RFX4: variants seen among roughly 807,000 people sequenced by gnomAD.
RFX4 encodes the protein transcription factor RFX4.
Under a neutral mutation model 95.0 loss-of-function variants are expected in RFX4, and 10 were observed. The ratio of observed to expected loss-of-function variants is 0.11; its 90% confidence interval spans 0.06 to 0.18. RFX4 has a LOEUF of 0.18. Ranked by LOEUF, RFX4 falls within the 10% of genes least tolerant of loss-of-function variation. RFX4 has a pLI of 1.00. For synonymous variants in RFX4, 321 were observed against 340.7 expected, an observed-to-expected ratio of 0.94 and a Z score of 0.64; for missense variants, 640 against 922.0, an observed-to-expected ratio of 0.69 and a Z score of 3.96.
chr12:106,655,457 A>G (rs756647340), intron 4 of RFX4, among the ~76,000 whole-genome samples: 57 of 152,178 alleles, frequency 3.7e-4, no homozygotes, highest in Non-Finnish European at 7.2e-4. Flanking sequence ...TGTGTTAAGT[A>G]GTGGCAGTGG....
At chr12:106,621,433 T>C (rs1306869427) in intron 2 of RFX4, among the ~76,000 whole-genome samples, 1 of 152,166 alleles carries the variant, frequency 6.6e-6, no homozygotes, top group African/African-American at 2.4e-5. Flanking sequence ...TAGGGTGTGG[T>C]TTTTATTCCT....
chr12:106,647,484 G>T (rs1410453163), intron 3 of RFX4, among the ~76,000 whole-genome samples: 1 of 152,024 alleles, frequency 6.6e-6, no homozygotes, highest in Non-Finnish European at 1.5e-5. Context: ...TATTAACCAT[G>T]CTTTTCCTTT....
intron 3 of RFX4, 116 bp downstream of exon 3, chr12:106,639,508 A>G: frequency 1.1e-6 from 1 of 921,468 alleles, no homozygotes. Flanking sequence ...ACATTCCACA[A>G]CATGAAATCT....
chr12:106,587,973 C>A (rs531682239), intron 1 of RFX4, among the ~76,000 whole-genome samples: 1 of 152,228 alleles, frequency 6.6e-6, no homozygotes, highest in South Asian at 2.1e-4. Context: ...GGTTAATCTT[C>A]TAGGCTTTCC....
chr12:106,761,590 G>C lies in RFX4; in HGVS notation c.*121G>C. ...ATTGTAACTCATGGGCTATTCCTAA[G>C]TGCCCATTTTCCTAATGAACATGAG... On this transcript the variant is annotated 3_prime_UTR_variant, in exon 18 of 18. Coordinates refer to ENST00000392842, the MANE Select transcript of RFX4 (RefSeq NM_213594.3). 1 of 682,784 alleles carries C rather than the reference G, an allele frequency of 1.5e-6. No homozygotes were observed. The highest frequency in any genetic ancestry group is 2.0e-6 in the Non-Finnish European group (1 of 508,162). 42.3% of individuals were successfully genotyped at this position (682,784 alleles called of 1,614,324 possible). A position where few individuals can be genotyped will look rare whatever the true frequency, so the allele number is the denominator to read the frequency against.
At chr12:106,632,859 G>A (rs527457629) in intron 2 of RFX4, among the ~76,000 whole-genome samples, 5 of 151,900 alleles carry the variant, frequency 3.3e-5, no homozygotes, top group South Asian at 4.2e-4. Flanking sequence ...ACAGGTGCAC[G>A]CCACCGTATC....
intron 4 of RFX4, among the ~76,000 whole-genome samples, chr12:106,676,642 T>C (rs1044436983): frequency 6.6e-6 from 1 of 152,176 alleles, no homozygotes; most frequent in African/African-American, 2.4e-5. Flanking sequence ...GGCTGTCTGC[T>C]GATGACACCA....
chr12:106,760,737 C>T (rs1566011682), intron 17 of RFX4, among the ~76,000 whole-genome samples: 1 of 151,598 alleles, frequency 6.6e-6, no homozygotes, highest in Non-Finnish European at 1.5e-5. Flanking sequence ...TTTTACTTGG[C>T]AGTGTTATGC....
At chr12:106,659,519 A>AC (rs1179729310) in intron 4 of RFX4, among the ~76,000 whole-genome samples, 1 of 152,216 alleles carries the variant, frequency 6.6e-6, no homozygotes, top group Non-Finnish European at 1.5e-5. Flanking sequence ...CAGATGGTAG[A>AC]AGTGTCTAGC....
chr12:106,668,707 C>T (rs1351978768), intron 4 of RFX4, among the ~76,000 whole-genome samples: 2 of 152,232 alleles, frequency 1.3e-5, no homozygotes, highest in Non-Finnish European at 2.9e-5. Context: ...GTGTTTCACA[C>T]ATCCATGCAT....
intron 1 of RFX4, among the ~76,000 whole-genome samples, chr12:106,587,077 A>G (rs1188425220): frequency 1.3e-5 from 2 of 152,160 alleles, no homozygotes; most frequent in Non-Finnish European, 2.9e-5. Flanking sequence ...TGAGAGCCGC[A>G]TGGTACCAGG....
chr12:106,690,354 A>G (rs148413908), intron 7 of RFX4, among the ~76,000 whole-genome samples: 1,657 of 152,222 alleles, frequency 0.011, 13 homozygotes, highest in Middle Eastern at 0.034. Context: ...AATTTCAGTG[A>G]TTTTTTTCTT....
chr12:106,750,558 GA>G, intron 16 of RFX4, 96 bp from the exon 17 acceptor site: 2 of 1,233,872 alleles, frequency 1.6e-6, no homozygotes, highest in South Asian at 2.4e-5. Context: ...GAAAAAAGAA[GA>G]AAAAGGAAAA....
intron 7 of RFX4, among the ~76,000 whole-genome samples, chr12:106,690,837 A>T (rs1217631245): frequency 6.6e-6 from 1 of 152,114 alleles, no homozygotes; most frequent in Non-Finnish European, 1.5e-5. Context: ...CAAATCTCTA[A>T]GGGACAGCTG....
intron 13 of RFX4, among the ~76,000 whole-genome samples, chr12:106,723,514 T>C (rs763697250): frequency 2.6e-5 from 4 of 152,190 alleles, no homozygotes; most frequent in Non-Finnish European, 4.4e-5. Context: ...TATCAGTTTA[T>C]AAAGCAGCCT....
chr12:106,759,120 G>A (rs2043164876), intron 17 of RFX4, among the ~76,000 whole-genome samples: 1 of 152,212 alleles, frequency 6.6e-6, no homozygotes, highest in African/African-American at 2.4e-5. Context: ...GCCCCGGCCC[G>A]AGAGGCACAG....
intron 1 of RFX4, among the ~76,000 whole-genome samples, chr12:106,608,436 C>T (rs2039883786): frequency 6.6e-6 from 1 of 152,318 alleles, no homozygotes; most frequent in South Asian, 2.1e-4. Context: ...GTTCAGTTGG[C>T]CAAGTCTGGT....
At chr12:106,707,336 C>T (rs2042105400) in intron 8 of RFX4, among the ~76,000 whole-genome samples, 1 of 152,044 alleles carries the variant, frequency 6.6e-6, no homozygotes, top group Non-Finnish European at 1.5e-5. Flanking sequence ...AGTGAATCTG[C>T]ACAGATGGGA....
chr12:106,747,788 C>T (rs1050872932), intron 16 of RFX4, among the ~76,000 whole-genome samples, 189 bp downstream of exon 16: 1 of 151,992 alleles, frequency 6.6e-6, no homozygotes, highest in Non-Finnish European at 1.5e-5. Flanking sequence ...ATTAGCCAGG[C>T]ATAGTGGCTT....
Sources: gnomAD v4.1 joint callset for allele counts (sites outside exome capture counted in the v4.1 genomes callset) on GRCh38, gnomAD v4.1.1 for gene constraint, MANE v1.5 for transcripts, NCBI Gene and HGNC (gene_info 2026-07-23, HGNC 2026-07-21) for gene names.